SERINC5: variants seen among roughly 807,000 people sequenced by gnomAD.
SERINC5 encodes the protein chromosome 5 open reading frame 12.
Under a neutral mutation model 63.1 loss-of-function variants are expected in SERINC5, and 41 were observed. That is an observed-to-expected ratio of 0.65 (90% CI 0.51 to 0.84). The LOEUF is 0.84. SERINC5 is among the 40% of genes least tolerant of loss of function. SERINC5 has a pLI of 0.00. For missense variants in SERINC5, 523 were observed against 573.0 expected (o/e 0.91, Z 0.89); for synonymous variants, 222 against 215.2 (o/e 1.03, Z -0.28).
chr5:80,171,168 C>G (rs1049977147), intron 5 of SERINC5, among the ~76,000 whole-genome samples: 1 of 151,964 alleles, frequency 6.6e-6, no homozygotes, highest in Non-Finnish European at 1.5e-5. Context: ...CACCACCATG[C>G]CGGGCTAATT....
intron 1 of SERINC5, among the ~76,000 whole-genome samples, chr5:80,222,565 TGTGA>T (rs1211674359): frequency 6.1e-5 from 9 of 146,690 alleles, no homozygotes; most frequent in African/African-American, 1.2e-4. Context: ...TGTGTGAGTG[TGTGA>T]GTGTGTGTGT....
chr5:80,215,481 A>C (rs1300831132), intron 1 of SERINC5, among the ~76,000 whole-genome samples: 1 of 152,234 alleles, frequency 6.6e-6, no homozygotes, highest in Non-Finnish European at 1.5e-5. Context: ...GAACAGATTA[A>C]TACGGCTACC....
rs746435018 is a variant in SERINC5 at position 80,147,256 on chromosome 5, G to A, written c.1082C>T (p.Pro361Leu). 14 of 1,604,214 alleles carry A rather than the reference G, an allele frequency of 8.7e-6. No homozygotes were observed. The highest frequency in any genetic ancestry group is 1.2e-5 in the Non-Finnish European group (14 of 1,175,944). The change falls in exon 10 of 12, where the codon CCT becomes CTT. Residue 361 changes from proline (P) to leucine (L), a missense_variant. By Grantham distance (98) the Pro-to-Leu change is moderately conservative (BLOSUM62 -3). Transcript: ENST00000507668. ...EIARCCFCFSPGGEDTEEQQP... is the reference protein window; with the variant it reads ...EIARCCFCFSLGGEDTEEQQP... ...AGCGCTCTGCTTACCCTCTCCACCA[G>A]GACTGAAGCAAAAACAACAGCGAGC...
At chr5:80,187,495 A>G (rs1268950767) in intron 2 of SERINC5, among the ~76,000 whole-genome samples, 1 of 151,938 alleles carries the variant, frequency 6.6e-6, no homozygotes, top group Non-Finnish European at 1.5e-5. Context: ...AGTGGACAAC[A>G]GCCATGAAAT....
intron 2 of SERINC5, among the ~76,000 whole-genome samples, chr5:80,187,323 A>C (rs1308016178): frequency 1.3e-5 from 2 of 152,216 alleles, no homozygotes; most frequent in Non-Finnish European, 2.9e-5. Flanking sequence ...AGTTCTGTTT[A>C]ATATCCCTCA....
chr5:80,139,596 A>AAGAG lies in SERINC5; in HGVS notation c.*4063_*4066dup, dbSNP rs11267118. ...TGAAAGAGTTGTTGAGAAAGAAGAA[A>AAGAG]AGAGAGAGAGAGAGAAAGGTCTAAA... On this transcript the variant is annotated 3_prime_UTR_variant, in exon 12 of 12. Coordinates refer to ENST00000507668, the MANE Select transcript of SERINC5 (RefSeq NM_001174072.3). The AAGAG allele has an allele frequency of 0.23, 224,942 of 964,004 alleles. 17,883 individuals are homozygous for AAGAG. The highest frequency in any genetic ancestry group is 0.34 in the South Asian group (7,073 of 20,790). 59.7% of individuals were successfully genotyped at this position (964,004 alleles called of 1,614,324 possible).
chr5:80,233,305 T>C (rs1369296117), intron 1 of SERINC5, among the ~76,000 whole-genome samples: 1 of 135,054 alleles, frequency 7.4e-6, no homozygotes, highest in Non-Finnish European at 1.7e-5. Flanking sequence ...TGCATGCCTG[T>C]AATCCCAGCT....
chr5:80,224,939 T>A (rs1253584564), intron 1 of SERINC5, among the ~76,000 whole-genome samples: 1 of 74,256 alleles, frequency 1.3e-5, no homozygotes, highest in Admixed American at 1.3e-4. Context: ...TTTTTTGTTT[T>A]TTTTTGTTTT....
At chr5:80,227,482 C>T (rs368902532) in intron 1 of SERINC5, among the ~76,000 whole-genome samples, 3 of 151,844 alleles carry the variant, frequency 2.0e-5, no homozygotes, top group South Asian at 2.1e-4. Context: ...TGTTTACAGC[C>T]GGGAGCAGCG....
At chr5:80,198,082 C>T (rs575871017) in intron 2 of SERINC5, among the ~76,000 whole-genome samples, 1 of 152,238 alleles carries the variant, frequency 6.6e-6, no homozygotes, top group South Asian at 2.1e-4. Context: ...TTGTGATCCG[C>T]CCGCCTCAGC....
At position 80,177,474 on chromosome 5, in the gene SERINC5, C is replaced by G. The variant is rs561743253; in HGVS notation, c.375-77G>C. ...AGGACAAAGGACCTCGTAGAAGGTA[C>G]AGCATGTCAATCCATGATTCTGCCA... On this transcript the variant is annotated intron_variant, in intron 3 of 11. Transcript: ENST00000507668. 6.5e-4 allele frequency: 736 copies of G among 1,134,390 alleles called. 1 individual carries two copies. The highest frequency in any genetic ancestry group is 7.0e-4 in the Non-Finnish European group (533 of 761,308). 70.3% of individuals were successfully genotyped at this position (1,134,390 alleles called of 1,614,324 possible).
At chr5:80,227,442 A>G (rs1255040336) in intron 1 of SERINC5, among the ~76,000 whole-genome samples, 1 of 151,994 alleles carries the variant, frequency 6.6e-6, no homozygotes, top group Non-Finnish European at 1.5e-5. Flanking sequence ...CTGTCTCTAG[A>G]GAGTCACAGC....
chr5:80,148,179 A>ATTTTTTTTTT (rs1561368204), intron 9 of SERINC5, among the ~76,000 whole-genome samples: 3 of 117,196 alleles, frequency 2.6e-5, no homozygotes, highest in East Asian at 4.6e-4. Context: ...TACCTTGCGT[A>ATTTTTTTTTT]TTTTTTATTC....
intron 12 of SERINC5, among the ~76,000 whole-genome samples, chr5:80,112,416 A>G (rs575790923): frequency 3.4e-4 from 52 of 152,040 alleles, no homozygotes; most frequent in African/African-American, 1.2e-3. Context: ...CCTTCTCCCC[A>G]CTATCACCCT....
intron 2 of SERINC5, among the ~76,000 whole-genome samples, chr5:80,178,873 C>T (rs963538125): frequency 2.0e-5 from 3 of 149,346 alleles, no homozygotes; most frequent in African/African-American, 5.2e-5. Flanking sequence ...ATATACAACA[C>T]ACTCACATAT....
chr5:80,140,491 C>A lies in SERINC5; in HGVS notation c.*3172G>T. ...CCACCCTCCCCACAACCCACCCCCA[C>A]TCTATCTCCCCTTCAAAGAGGCTCC... On this transcript the variant is annotated 3_prime_UTR_variant, in exon 12 of 12. Coordinates refer to ENST00000507668, the MANE Select transcript of SERINC5 (RefSeq NM_001174072.3). 16 of 983,814 alleles carry A rather than the reference C, an allele frequency of 1.6e-5. No homozygotes were observed. Among genetic ancestry groups the A allele is most frequent in the Non-Finnish European group, 1.9e-5 (16 of 829,256 alleles). 60.9% of individuals were successfully genotyped at this position (983,814 alleles called of 1,614,324 possible).
rs1748063622 is a variant in SERINC5 at position 80,176,857 on chromosome 5, T to C, written c.457+458A>G. 2.6e-5 allele frequency among the ~76,000 whole-genome samples: 4 copies of C among 152,230 alleles called. No individual in the cohort carries two copies. In the South Asian group the frequency reaches 8.3e-4, roughly 32 times the overall value. On this transcript the variant is annotated intron_variant, in intron 4 of 11. Transcript: ENST00000507668. Reference sequence around the variant, plus strand: ...ATGAAAAAGGGCGCCCTGTTTCAGCTATGATTAAAGGCTTCATATTAATGA... The same window carrying C: ...ATGAAAAAGGGCGCCCTGTTTCAGCCATGATTAAAGGCTTCATATTAATGA...
At position 80,139,320 on chromosome 5, in the gene SERINC5, A is replaced by C; in HGVS notation, c.*4343T>G. The stretch of plus-strand genomic sequence containing the variant: ...AAATAGCTCTCCAGACATATATTAC[A>C]AATCTGCTGTAAGCTTTCTTTACCT... On this transcript the variant is annotated 3_prime_UTR_variant, in exon 12 of 12. Transcript: ENST00000507668. The C allele has an allele frequency of 1.0e-6, 1 of 983,540 alleles. No individual in the cohort carries two copies. The highest frequency in any genetic ancestry group is 1.7e-5 in the African/African-American group (1 of 57,320). 60.9% of individuals were successfully genotyped at this position (983,540 alleles called of 1,614,324 possible). A position where few individuals can be genotyped will look rare whatever the true frequency, so the allele number is the denominator to read the frequency against.
At chr5:80,144,040 G>A (rs1360552082) in intron 11 of SERINC5, among the ~76,000 whole-genome samples, 9 of 112,896 alleles carry the variant, frequency 8.0e-5, no homozygotes, top group African/African-American at 2.1e-4. Flanking sequence ...CCCACCCCCC[G>A]CATTCACCAA....
Sources: allele counts gnomAD v4.1 joint callset (sites outside exome capture counted in the v4.1 genomes callset), GRCh38; gene constraint gnomAD v4.1.1; transcripts MANE v1.5; gene names NCBI Gene and HGNC (gene_info 2026-07-23, HGNC 2026-07-21).